Variants in BBS9 observed in about 807,000 individuals in gnomAD.
The protein encoded by BBS9 is protein PTHB1.
BBS9 carries 89 observed loss-of-function variants against 117.7 expected under a neutral mutation model. The observed-to-expected ratio is 0.76, with a 90% CI of 0.64 to 0.90. The LOEUF is 0.90. Among genes scored for constraint, BBS9 ranks in the 40% least tolerant of loss-of-function variants. The pLI is 0.00. For synonymous variants in BBS9, 379 were observed against 370.9 expected, an observed-to-expected ratio of 1.02 and a Z score of -0.25; for missense variants, 982 against 1,042.2, an observed-to-expected ratio of 0.94 and a Z score of 0.80.
At chr7:33,156,711 T>A (rs1245280001) in intron 4 of BBS9, among the ~76,000 whole-genome samples, 1 of 152,200 alleles carries the variant, frequency 6.6e-6, no homozygotes, top group Non-Finnish European at 1.5e-5. Flanking sequence ...GCTGAGGCAA[T>A]TGACAGTGGC....
At chr7:33,373,424 A>G (rs532937725) in intron 17 of BBS9, among the ~76,000 whole-genome samples, 3 of 152,276 alleles carry the variant, frequency 2.0e-5, no homozygotes, top group Admixed American at 2.0e-4. Flanking sequence ...TCACAAAGTG[A>G]CACTGACAAA....
chr7:33,252,955 A>G lies in BBS9; in HGVS notation c.443-4281A>G, dbSNP rs182128982. 2.5e-3 allele frequency among the ~76,000 whole-genome samples: 382 copies of G among 152,258 alleles called. 11 individuals carry two copies. In the South Asian group the frequency reaches 0.048, roughly 19 times the overall value. On this transcript the variant is annotated intron_variant, in intron 5 of 22. Coordinates refer to ENST00000242067, the MANE Select transcript of BBS9 (RefSeq NM_198428.3). ...TCAAGTTGTAAATATATATGTATTT[A>G]TACACTTTTTTTGATGAACCATTTG...
At chr7:33,473,544 G>A (rs1014677230) in intron 19 of BBS9, among the ~76,000 whole-genome samples, 3 of 152,136 alleles carry the variant, frequency 2.0e-5, no homozygotes, top group Non-Finnish European at 4.4e-5. Flanking sequence ...GGCTGGTCTC[G>A]AATTCCTGAC....
rs193300550 is a variant in BBS9, at chr7:33,150,594, A to C, written c.113-2107A>C. ...CTGAGAACCAAAGATTGAGGCAGAC[A>C]AATCCAGTTTGTCAGTATACAGTGA... On this transcript the variant is annotated intron_variant, in intron 2 of 22. Coordinates refer to ENST00000242067, the MANE Select transcript of BBS9 (RefSeq NM_198428.3). Among the ~76,000 whole-genome samples, 790 of 152,324 alleles carry C rather than the reference A, an allele frequency of 5.2e-3. 9 individuals are homozygous for C. Among genetic ancestry groups the C allele is most frequent in the African/African-American group, 0.018 (746 of 41,574 alleles).
rs189268016 is a variant in BBS9 at position 33,285,487 on chromosome 7, C to T, written c.1016+11531C>T. Among the ~76,000 whole-genome samples, 505 of 152,248 alleles carry T rather than the reference C, an allele frequency of 3.3e-3. 3 individuals carry two copies. The highest frequency in any genetic ancestry group is 0.012 in the African/African-American group (483 of 41,560). ...TAAACATAATTTGGACAAATTATGT[C>T]AATCTCATTGAAGGATTTTGGGGGT... On this transcript the variant is annotated intron_variant, in intron 9 of 22. Transcript: ENST00000242067.
chr7:33,622,827 T>C (rs1458399567), intron 21 of BBS9, among the ~76,000 whole-genome samples: 1 of 152,176 alleles, frequency 6.6e-6, no homozygotes, highest in Non-Finnish European at 1.5e-5. Context: ...TGGGTAAAAA[T>C]AGTTTTCAAT....
At position 33,300,303 on chromosome 7, in the gene BBS9, A is replaced by C. The variant is rs1475605440; in HGVS notation, c.1016+26347A>C. ...TCAACTGGAAGCCAGAGGGAAAGGG[A>C]TCCTTGGATGCAGTGGTCAGCTTCT... On this transcript the variant is annotated intron_variant, in intron 9 of 22. Coordinates refer to ENST00000242067, the MANE Select transcript of BBS9 (RefSeq NM_198428.3). 2.0e-5 allele frequency among the ~76,000 whole-genome samples: 3 copies of C among 152,040 alleles called. No homozygotes were observed. In the East Asian group the frequency reaches 5.8e-4, roughly 29 times the overall value.
chr7:33,533,924 T>C, intron 20 of BBS9, 30 bp from the exon 21 acceptor site: 1 of 1,610,118 alleles, frequency 6.2e-7, no homozygotes, highest in Middle Eastern at 1.7e-4. Flanking sequence ...GTCATCTTTG[T>C]ATTAATTCAA....
intron 19 of BBS9, chr7:33,390,686 A>G (rs1024999736): frequency 1.2e-6 from 1 of 820,772 alleles, no homozygotes; most frequent in East Asian, 1.2e-4. Flanking sequence ...TTAACACATG[A>G]ATATAATTTC....
At chr7:33,446,286 C>T (rs1048275039) in intron 19 of BBS9, among the ~76,000 whole-genome samples, 8 of 152,148 alleles carry the variant, frequency 5.3e-5, no homozygotes, top group African/African-American at 1.9e-4. Flanking sequence ...AGTTCCTGTG[C>T]TTCTATGTCT....
At chr7:33,634,727 G>A (rs1866060803) in intron 21 of BBS9, among the ~76,000 whole-genome samples, 1 of 152,226 alleles carries the variant, frequency 6.6e-6, no homozygotes, top group Non-Finnish European at 1.5e-5. Context: ...CTGAGGATGT[G>A]TAAGCATGCA....
intron 19 of BBS9, among the ~76,000 whole-genome samples, chr7:33,411,328 A>C (rs534497137): frequency 6.6e-6 from 1 of 152,278 alleles, no homozygotes; most frequent in South Asian, 2.1e-4. Context: ...AAGGGTTGAC[A>C]TAGTTTTTTA....
At chr7:33,259,994 A>G (rs184221710) in intron 6 of BBS9, among the ~76,000 whole-genome samples, 2 of 137,058 alleles carry the variant, frequency 1.5e-5, no homozygotes, top group African/African-American at 2.7e-5. Context: ...TAAAAGACCT[A>G]GACTTTTTTC....
At chr7:33,598,473 A>C (rs1276078480) in intron 21 of BBS9, among the ~76,000 whole-genome samples, 1 of 152,178 alleles carries the variant, frequency 6.6e-6, no homozygotes, top group Non-Finnish European at 1.5e-5. Context: ...CATTAAGTAA[A>C]AATGAAAAAA....
rs1817248004 is a variant in BBS9, at chr7:33,344,578, C to T, written c.1276-3C>T. Reference sequence around the variant, plus strand: ...TCTTGCCTTCTCAATTCTGTGTTTACAGCAAGCGACCGATGTTGAGGTGGG... The same window carrying T: ...TCTTGCCTTCTCAATTCTGTGTTTATAGCAAGCGACCGATGTTGAGGTGGG... On this transcript the variant is annotated splice_region_variant and splice_polypyrimidine_tract_variant and intron_variant, in intron 11 of 22. Transcript: ENST00000242067. The T allele has an allele frequency of 3.1e-6, 5 of 1,613,972 alleles. No individual in the cohort carries two copies. Among genetic ancestry groups the T allele is most frequent in the Non-Finnish European group, 4.2e-6 (5 of 1,179,906 alleles).
At chr7:33,390,353 A>G (rs1386654440) in intron 19 of BBS9, 10 of 985,090 alleles carry the variant, frequency 1.0e-5, no homozygotes, top group Non-Finnish European at 1.1e-5. Flanking sequence ...AGAGGTTTTT[A>G]TTTTTTTCTG....
rs1860366927 is a variant in BBS9 at position 33,583,538 on chromosome 7, T to C, written c.2522-21327T>C. Reference sequence around the variant, plus strand: ...TTATCCAAGTGATTGTACTTAATTATGGGAGATACAAGCCAGGATAAGATA... The same window carrying C: ...TTATCCAAGTGATTGTACTTAATTACGGGAGATACAAGCCAGGATAAGATA... On this transcript the variant is annotated intron_variant, in intron 21 of 22. Transcript: ENST00000242067. Among the ~76,000 whole-genome samples, 3 of 152,244 alleles carry C rather than the reference T, an allele frequency of 2.0e-5. 1 individual carries two copies. Among genetic ancestry groups the C allele is most frequent in the South Asian group, 4.1e-4 (2 of 4,824 alleles).
chr7:33,185,367 C>A (rs1798673915), intron 5 of BBS9, among the ~76,000 whole-genome samples: 1 of 149,874 alleles, frequency 6.7e-6, no homozygotes, highest in African/African-American at 2.4e-5. Flanking sequence ...GAATGAACAT[C>A]TTTTTACATA....
chr7:33,411,738 A>C (rs761261658), intron 19 of BBS9, among the ~76,000 whole-genome samples: 1 of 152,152 alleles, frequency 6.6e-6, no homozygotes, highest in Non-Finnish European at 1.5e-5. Flanking sequence ...CTTAGAATGA[A>C]TATTATTTGA....
Sources: allele counts gnomAD v4.1 joint callset (sites outside exome capture counted in the v4.1 genomes callset), GRCh38; gene constraint gnomAD v4.1.1; transcripts MANE v1.5; gene names NCBI Gene and HGNC (gene_info 2026-07-23, HGNC 2026-07-21).